Variants in GULP1 observed in about 807,000 individuals in gnomAD.
The protein encoded by GULP1 is PTB domain-containing engulfment adapter protein 1.
In GULP1, 19 loss-of-function variants were observed where a neutral mutation model predicts 40.9. The observed-to-expected ratio is 0.46, with a 90% CI of 0.32 to 0.68. The LOEUF (loss-of-function observed/expected upper bound fraction) is 0.68, where lower values mean the gene tolerates loss of function less well. Ranked by LOEUF, GULP1 falls within the 30% of genes least tolerant of loss-of-function variation. GULP1 has a pLI of 0.03. For synonymous variants in GULP1, 119 were observed against 117.6 expected, an observed-to-expected ratio of 1.01 and a Z score of -0.08; for missense variants, 312 against 362.2, an observed-to-expected ratio of 0.86 and a Z score of 1.12.
At chr2:188,550,938 C>T (rs191076313) in intron 7 of GULP1, among the ~76,000 whole-genome samples, 33 of 151,528 alleles carry the variant, frequency 2.2e-4, no homozygotes, top group African/African-American at 7.5e-4. Context: ...ATTTTCATGT[C>T]TCCATTTCAT....
chr2:188,428,691 C>A (rs1487172398), intron 2 of GULP1, among the ~76,000 whole-genome samples: 1 of 152,118 alleles, frequency 6.6e-6, no homozygotes, highest in African/African-American at 2.4e-5. Context: ...CAAGCAGATG[C>A]TGCCATGCTT....
At chr2:188,437,432 A>G (rs772782559) in intron 2 of GULP1, among the ~76,000 whole-genome samples, 6 of 152,134 alleles carry the variant, frequency 3.9e-5, no homozygotes, top group Non-Finnish European at 7.4e-5. Context: ...TTGTTTGGCA[A>G]TCAAAGTACT....
intron 4 of GULP1, among the ~76,000 whole-genome samples, chr2:188,501,908 T>C (rs1268921986): frequency 2.0e-5 from 3 of 151,918 alleles, no homozygotes; most frequent in Non-Finnish European, 4.4e-5. Context: ...GCAGGCTGTC[T>C]CCCCTCCTCT....
intron 2 of GULP1, among the ~76,000 whole-genome samples, chr2:188,434,629 A>G (rs1473962493): frequency 2.0e-5 from 3 of 147,346 alleles, no homozygotes; most frequent in East Asian, 4.0e-4. Context: ...TGTTTTTTTT[A>G]TAGTGCTACC....
At chr2:188,316,210 G>T (rs892094884) in intron 1 of GULP1, among the ~76,000 whole-genome samples, 1 of 152,062 alleles carries the variant, frequency 6.6e-6, no homozygotes, top group Non-Finnish European at 1.5e-5. Flanking sequence ...TTCTGTTTTT[G>T]TAAAGGCAGA....
At chr2:188,380,430 T>A (rs963668779) in intron 1 of GULP1, among the ~76,000 whole-genome samples, 1 of 152,220 alleles carries the variant, frequency 6.6e-6, no homozygotes, top group South Asian at 2.1e-4. Flanking sequence ...TTAAGCAGAA[T>A]TGAATTTATT....
intron 6 of GULP1, among the ~76,000 whole-genome samples, chr2:188,540,002 C>T (rs1690026339): frequency 1.3e-5 from 2 of 152,074 alleles, no homozygotes; most frequent in African/African-American, 4.8e-5. Flanking sequence ...AGAAACTCTT[C>T]TAGTTATAAC....
At chr2:188,432,163 AAAT>A (rs1469032804) in intron 2 of GULP1, among the ~76,000 whole-genome samples, 1 of 151,718 alleles carries the variant, frequency 6.6e-6, no homozygotes, top group Non-Finnish European at 1.5e-5. Flanking sequence ...TTTTAAGAAA[AAAT>A]ATCTTCGTAT....
intron 2 of GULP1, among the ~76,000 whole-genome samples, chr2:188,396,655 C>T (rs757473333): frequency 7.2e-5 from 11 of 152,350 alleles, no homozygotes; most frequent in South Asian, 4.1e-4. Context: ...AAAGCTGGGA[C>T]GTCCAGCTCC....
chr2:188,521,980 G>A (rs2065830479), intron 4 of GULP1, among the ~76,000 whole-genome samples: 2 of 152,178 alleles, frequency 1.3e-5, no homozygotes, highest in African/African-American at 4.8e-5. Flanking sequence ...GGAGGCTGAG[G>A]CAGGAGAATG....
rs570268643 is a variant in GULP1 at position 188,343,944 on chromosome 2, G to A, written c.-171-39819G>A. Among the ~76,000 whole-genome samples, 15 of 152,156 alleles carry A rather than the reference G, an allele frequency of 9.9e-5. No homozygotes were observed. In the South Asian group the frequency reaches 2.7e-3, roughly 27 times the overall value. The stretch of plus-strand genomic sequence containing the variant: ...CAGCCTCTCAAATAGCAAATAGCTG[G>A]GACTGTGGGCATGTGCCACCATGCC... On this transcript the variant is annotated intron_variant, in intron 1 of 11. Transcript: ENST00000409830.
At chr2:188,533,823 A>G (rs1688195475) in intron 6 of GULP1, among the ~76,000 whole-genome samples, 1 of 152,196 alleles carries the variant, frequency 6.6e-6, no homozygotes, top group Non-Finnish European at 1.5e-5. Context: ...TGGGAAAAAG[A>G]AACAGGAACA....
chr2:188,484,981 T>A (rs975493561), intron 4 of GULP1, among the ~76,000 whole-genome samples: 21 of 152,146 alleles, frequency 1.4e-4, no homozygotes, highest in African/African-American at 5.1e-4. Context: ...GTTTATGTTA[T>A]CCATCATTTC....
chr2:188,507,992 G>A (rs1057312420), intron 4 of GULP1, among the ~76,000 whole-genome samples: 1 of 151,600 alleles, frequency 6.6e-6, no homozygotes, highest in African/African-American at 2.4e-5. Context: ...ATATAATTTG[G>A]GATTATAGTT....
chr2:188,338,950 GTAGT>G (rs2152123017), intron 1 of GULP1, among the ~76,000 whole-genome samples: 1 of 152,190 alleles, frequency 6.6e-6, no homozygotes, highest in South Asian at 2.1e-4. Flanking sequence ...TCTTATAATT[GTAGT>G]TAAGTTTTTC....
chr2:188,469,179 G>C (rs1307493982), intron 2 of GULP1, among the ~76,000 whole-genome samples: 1 of 152,200 alleles, frequency 6.6e-6, no homozygotes, highest in Admixed American at 6.5e-5. Context: ...AGTTTGGTCA[G>C]TGGCCCAAAC....
At chr2:188,314,490 G>A (rs2038748353) in intron 1 of GULP1, among the ~76,000 whole-genome samples, 1 of 151,998 alleles carries the variant, frequency 6.6e-6, no homozygotes, top group South Asian at 2.1e-4. Context: ...CTTGCCCAAG[G>A]TCACACAGCT....
At chr2:188,378,931 GTTTATC>G (rs931025429) in intron 1 of GULP1, among the ~76,000 whole-genome samples, 18 of 152,108 alleles carry the variant, frequency 1.2e-4, no homozygotes, top group Admixed American at 3.9e-4. Flanking sequence ...TTATCTTTTA[GTTTATC>G]TTAATATAGA....
intron 11 of GULP1, chr2:188,590,347 TA>T (rs1173078077): frequency 6.6e-6 from 1 of 152,212 alleles, no homozygotes; most frequent in Non-Finnish European, 1.5e-5. Context: ...TTTCTTCATC[TA>T]AAGTCTATGA....
Sources: gnomAD v4.1 joint callset for allele counts (sites outside exome capture counted in the v4.1 genomes callset) on GRCh38, gnomAD v4.1.1 for gene constraint, MANE v1.5 for transcripts, NCBI Gene and HGNC (gene_info 2026-07-23, HGNC 2026-07-21) for gene names.